The following PBX1 variants were observed in gnomAD, a reference collection of about 807,000 sequenced individuals.
The protein encoded by PBX1 is PBX homeobox 1.
A neutral mutation model predicts 53.4 loss-of-function variants in PBX1; 6 were observed. The ratio of observed to expected loss-of-function variants is 0.11; its 90% CI spans 0.06 to 0.22. The LOEUF (loss-of-function observed/expected upper bound fraction) is 0.22. Ranked by LOEUF, PBX1 falls within the 10% of genes least tolerant of loss-of-function variation. The pLI is 1.00. For missense variants in PBX1, 251 were observed against 551.4 expected (o/e 0.46, Z 5.46); for synonymous variants, 204 against 212.3 (o/e 0.96, Z 0.34).
intron 2 of PBX1, chr1:164,700,571 G>A: frequency 9.1e-6 from 9 of 985,382 alleles, no homozygotes; most frequent in Non-Finnish European, 1.1e-5. Context: ...TGGGGGACAC[G>A]GGAGCAGACA....
chr1:164,778,273 TA>T (rs994891773), intron 2 of PBX1, among the ~76,000 whole-genome samples: 2 of 152,114 alleles, frequency 1.3e-5, no homozygotes, highest in East Asian at 1.9e-4. Context: ...AATTCAGCAT[TA>T]AAAAAAAGTG....
chr1:164,652,617 T>C (rs75800425), intron 2 of PBX1, among the ~76,000 whole-genome samples: 314 of 152,292 alleles, frequency 2.1e-3, no homozygotes, highest in Non-Finnish European at 3.7e-3. Context: ...TTTTCCCTTA[T>C]ACCACTAAAC....
At chr1:164,676,048 C>A (rs1661417875) in intron 2 of PBX1, among the ~76,000 whole-genome samples, 1 of 152,152 alleles carries the variant, frequency 6.6e-6, no homozygotes, top group Admixed American at 6.5e-5. Context: ...CTCCTTACCC[C>A]AGTTCCTGAG....
intron 2 of PBX1, among the ~76,000 whole-genome samples, chr1:164,653,600 C>A (rs1659969931): frequency 6.6e-6 from 1 of 151,974 alleles, no homozygotes; most frequent in African/African-American, 2.4e-5. Context: ...TGGTGAAACC[C>A]CGTCTACTAA....
chr1:164,597,912 G>C (rs887149331), intron 2 of PBX1, among the ~76,000 whole-genome samples: 6 of 152,030 alleles, frequency 3.9e-5, no homozygotes, highest in Admixed American at 6.6e-5. Context: ...GGTTCTCCTG[G>C]TATTTTAGTC....
chr1:164,796,391 A>T (rs1370894078), intron 3 of PBX1, among the ~76,000 whole-genome samples: 3 of 95,800 alleles, frequency 3.1e-5, no homozygotes, highest in Non-Finnish European at 6.8e-5. Flanking sequence ...GCTCTACTTT[A>T]AAAAAAAATT....
intron 2 of PBX1, among the ~76,000 whole-genome samples, chr1:164,615,886 T>G (rs1210730777): frequency 6.6e-6 from 1 of 152,152 alleles, no homozygotes; most frequent in African/African-American, 2.4e-5. Context: ...CTTTGGGATT[T>G]GGCCTCCCTG....
Position 164,700,711 on chromosome 1 carries a change from G to A in PBX1, c.266-91783G>A, listed in dbSNP as rs113960942. 2,411 of 985,380 alleles carry A rather than the reference G, an allele frequency of 2.4e-3. 50 individuals carry two copies. In the African/African-American group the frequency reaches 0.038, roughly 16 times the overall value. The allele number at this position is 985,380 out of a possible 1,614,324, so 61.0% of individuals were successfully genotyped here. On this transcript the variant is annotated intron_variant, in intron 2 of 8. Transcript: ENST00000420696. ...AAGGGGACCCAACTCTCCTGGATGA[G>A]GTAGGTGAATTAAACTGAAGGTTTG...
intron 2 of PBX1, among the ~76,000 whole-genome samples, chr1:164,747,556 G>A (rs566540465): frequency 1.3e-5 from 2 of 152,236 alleles, no homozygotes; most frequent in East Asian, 3.9e-4. Context: ...GGAAGTAACT[G>A]TGTCTCTCTG....
chr1:164,831,656 T>C (rs1029634647), intron 8 of PBX1, among the ~76,000 whole-genome samples: 4 of 152,196 alleles, frequency 2.6e-5, no homozygotes, highest in African/African-American at 9.7e-5. Flanking sequence ...CCCAAAGTGC[T>C]GAGTCTCTTA....
intron 2 of PBX1, among the ~76,000 whole-genome samples, chr1:164,606,486 G>C (rs1157614836): frequency 1.3e-5 from 2 of 152,082 alleles, no homozygotes; most frequent in African/African-American, 4.8e-5. Flanking sequence ...TGAGCTATGA[G>C]AATTGTTTGA....
At chr1:164,750,014 C>T (rs1666110158) in intron 2 of PBX1, among the ~76,000 whole-genome samples, 2 of 151,914 alleles carry the variant, frequency 1.3e-5, no homozygotes, top group Admixed American at 6.6e-5. Flanking sequence ...GCAAAAGGAT[C>T]ACTTGAGCCC....
chr1:164,654,288 G>A (rs2635022), intron 2 of PBX1, among the ~76,000 whole-genome samples: 103,489 of 152,078 alleles, frequency 0.68, 36,366 homozygotes, highest in Non-Finnish European at 0.76. Flanking sequence ...TAGGATGTGC[G>A]TGTGTATTTC....
At chr1:164,792,948 A>G (rs183581459) in intron 3 of PBX1, among the ~76,000 whole-genome samples, 68 of 152,258 alleles carry the variant, frequency 4.5e-4, no homozygotes, top group African/African-American at 1.6e-3. Flanking sequence ...CATTCAATGG[A>G]GGTAAAGGCA....
intron 7 of PBX1, 100 bp downstream of exon 7, chr1:164,820,284 A>G: frequency 2.8e-6 from 2 of 709,482 alleles, no homozygotes. Flanking sequence ...AGAGAGAAAA[A>G]CAGATCAGAA....
At chr1:164,820,325 C>T (rs1670092581) in intron 7 of PBX1, 141 bp downstream of exon 7, 2 of 585,130 alleles carry the variant, frequency 3.4e-6, no homozygotes, top group Admixed American at 6.1e-5. Context: ...GAACCAAAAT[C>T]AAGACAACCA....
intron 2 of PBX1, among the ~76,000 whole-genome samples, chr1:164,663,285 C>T (rs537560509): frequency 6.6e-6 from 1 of 151,382 alleles, no homozygotes; most frequent in Non-Finnish European, 1.5e-5. Flanking sequence ...TGCCTGCCTT[C>T]CTACCTGCCT....
intron 2 of PBX1, among the ~76,000 whole-genome samples, chr1:164,688,992 G>A (rs1286407984): frequency 6.6e-6 from 1 of 152,188 alleles, no homozygotes; most frequent in South Asian, 2.1e-4. Context: ...GGGTGGCGTC[G>A]CGCCTCCCCT....
intron 2 of PBX1, among the ~76,000 whole-genome samples, chr1:164,768,778 A>G (rs1667208793): frequency 6.6e-6 from 1 of 152,176 alleles, no homozygotes; most frequent in Admixed American, 6.5e-5. Context: ...CTCATTAAGA[A>G]ATCCATTCAT....
Sources: allele counts gnomAD v4.1 joint callset (sites outside exome capture counted in the v4.1 genomes callset), GRCh38; gene constraint gnomAD v4.1.1; transcripts MANE v1.5; gene names NCBI Gene and HGNC (gene_info 2026-07-23, HGNC 2026-07-21).